Variants in TUSC3 observed in about 807,000 individuals in gnomAD.
TUSC3 encodes dolichyl-diphosphooligosaccharide--protein glycosyltransferase subunit TUSC3.
In TUSC3, 45 loss-of-function variants were observed where a neutral mutation model predicts 44.8. The observed-to-expected ratio is 1.00, with a 90% CI of 0.79 to 1.29. The LOEUF (loss-of-function observed/expected upper bound fraction) is 1.29, where lower values mean the gene tolerates loss of function less well. Among genes scored for constraint, TUSC3 ranks in the 50% most tolerant of loss-of-function variants. The probability of loss-of-function intolerance (pLI) is 0.00; values close to 1 mark genes in which losing one functional copy is unlikely to be tolerated. For synonymous variants in TUSC3, 212 were observed against 152.9 expected, an observed-to-expected ratio of 1.39 and a Z score of -2.85; for missense variants, 519 against 437.9, an observed-to-expected ratio of 1.19 and a Z score of -1.65.
At chr8:15,498,907 A>G (rs1457970805) in intron 2 of TUSC3, among the ~76,000 whole-genome samples, 1 of 152,182 alleles carries the variant, frequency 6.6e-6, no homozygotes, top group Non-Finnish European at 1.5e-5. Flanking sequence ...CATATTACTT[A>G]TAGTGTTCCT....
chr8:15,608,883 C>G (rs1306019531), intron 1 of TUSC3, among the ~76,000 whole-genome samples: 2 of 152,114 alleles, frequency 1.3e-5, no homozygotes, highest in Non-Finnish European at 2.9e-5. Context: ...AATACATATA[C>G]CTTTGTACAA....
intron 6 of TUSC3, among the ~76,000 whole-genome samples, chr8:15,703,451 T>C (rs1311896356): frequency 6.6e-6 from 1 of 152,154 alleles, no homozygotes; most frequent in Non-Finnish European, 1.5e-5. Flanking sequence ...TAAACATTCA[T>C]TAGTGATATT....
intron 1 of TUSC3, among the ~76,000 whole-genome samples, chr8:15,608,294 C>T (rs764043572): frequency 1.8e-4 from 28 of 151,996 alleles, no homozygotes; most frequent in Non-Finnish European, 3.8e-4. Flanking sequence ...GTACTGAATT[C>T]CTTAGTTTTT....
At chr8:15,773,652 G>C in the TUSC3 span, among the ~76,000 whole-genome samples, 1 of 152,126 alleles carries the variant, frequency 6.6e-6, no homozygotes, top group African/African-American at 2.4e-5. Context: ...GAACCAAGTT[G>C]AAAGACTCAC....
chr8:15,742,585 C>T (rs942972182), intron 7 of TUSC3, among the ~76,000 whole-genome samples: 1 of 152,128 alleles, frequency 6.6e-6, no homozygotes, highest in African/African-American at 2.4e-5. Flanking sequence ...GTCCTTTGAG[C>T]TTTTGTTGAT....
intron 5 of TUSC3, among the ~76,000 whole-genome samples, chr8:15,667,418 A>G (rs1453036113): frequency 3.3e-5 from 5 of 151,742 alleles, no homozygotes; most frequent in Non-Finnish European, 7.4e-5. Context: ...TGCAGTGTAT[A>G]AATTCACTGA....
At chr8:15,618,260 A>G (rs909844236) in intron 1 of TUSC3, among the ~76,000 whole-genome samples, 1 of 152,186 alleles carries the variant, frequency 6.6e-6, no homozygotes, top group Non-Finnish European at 1.5e-5. Context: ...TTGATAATAA[A>G]TTAACTTTAC....
intron 6 of TUSC3, among the ~76,000 whole-genome samples, chr8:15,705,875 C>T (rs1809595288): frequency 6.6e-6 from 1 of 152,006 alleles, no homozygotes; most frequent in African/African-American, 2.4e-5. Context: ...TAAAACTGTG[C>T]CGCCTTTCCT....
At chr8:15,631,808 C>G (rs558386601) in intron 2 of TUSC3, among the ~76,000 whole-genome samples, 1 of 151,858 alleles carries the variant, frequency 6.6e-6, no homozygotes, top group African/African-American at 2.4e-5. Flanking sequence ...CGGGTTCAAG[C>G]GATTCTCCTG....
intron 10 of TUSC3, among the ~76,000 whole-genome samples, chr8:15,761,523 A>G (rs1812168575): frequency 6.6e-6 from 1 of 152,152 alleles, no homozygotes; most frequent in Non-Finnish European, 1.5e-5. Flanking sequence ...ATTTTCTATT[A>G]CTATCTCAGT....
chr8:15,663,395 T>C (rs1459805112), intron 5 of TUSC3, among the ~76,000 whole-genome samples: 3 of 151,846 alleles, frequency 2.0e-5, no homozygotes, highest in African/African-American at 7.2e-5. Flanking sequence ...TGTCAGTTTG[T>C]TTCTTTTGCT....
intron 1 of TUSC3, among the ~76,000 whole-genome samples, chr8:15,562,179 A>G (rs1249157783): frequency 2.0e-5 from 3 of 152,170 alleles, no homozygotes; most frequent in Non-Finnish European, 4.4e-5. Context: ...GGGTATCACT[A>G]CACAATTACT....
intron 1 of TUSC3, among the ~76,000 whole-genome samples, chr8:15,451,790 A>G (rs1487412286): frequency 6.6e-6 from 1 of 152,098 alleles, no homozygotes; most frequent in Non-Finnish European, 1.5e-5. Context: ...TCTCTCCAGA[A>G]AGATAGTGTC....
At chr8:15,790,497 G>A in the TUSC3 span, among the ~76,000 whole-genome samples, 1 of 152,074 alleles carries the variant, frequency 6.6e-6, no homozygotes, top group Non-Finnish European at 1.5e-5. Flanking sequence ...CATGGCATTT[G>A]TAAACTGTCA....
intron 9 of TUSC3, among the ~76,000 whole-genome samples, chr8:15,749,411 A>G (rs574600589): frequency 1.3e-5 from 2 of 152,248 alleles, no homozygotes; most frequent in Admixed American, 6.5e-5. Flanking sequence ...GGATTATAAT[A>G]CAAGAATAAG....
chr8:15,841,980 A>T, the TUSC3 span, among the ~76,000 whole-genome samples: 2 of 152,188 alleles, frequency 1.3e-5, no homozygotes, highest in Admixed American at 6.5e-5. Context: ...ATTTTAGAAG[A>T]CTACATGGTT....
downstream of TUSC3, among the ~76,000 whole-genome samples, chr8:15,770,237 AAG>A (rs1325781936): frequency 6.6e-6 from 1 of 152,208 alleles, no homozygotes; most frequent in Non-Finnish European, 1.5e-5. Context: ...AGCCATAAAA[AAG>A]GGTGAGTTCA....
chr8:15,487,243 C>T (rs905305296), intron 2 of TUSC3, among the ~76,000 whole-genome samples: 11 of 152,172 alleles, frequency 7.2e-5, no homozygotes, highest in African/African-American at 2.7e-4. Context: ...TCTACTTAAT[C>T]TGAAAATATT....
chr8:15,565,888 A>G (rs1403602067), intron 1 of TUSC3, among the ~76,000 whole-genome samples: 1 of 152,148 alleles, frequency 6.6e-6, no homozygotes, highest in Non-Finnish European at 1.5e-5. Flanking sequence ...GTACTATTAT[A>G]TGGATGTAAG....
Sources: allele counts gnomAD v4.1 joint callset (sites outside exome capture counted in the v4.1 genomes callset), GRCh38; gene constraint gnomAD v4.1.1; transcripts MANE v1.5; gene names NCBI Gene and HGNC (gene_info 2026-07-23, HGNC 2026-07-21).